The following ANXA5 variants were observed in gnomAD, a reference collection of about 807,000 sequenced individuals.
The protein encoded by ANXA5 is CBP-I.
A neutral mutation model predicts 48.1 loss-of-function variants in ANXA5; 40 were observed. That is an observed-to-expected ratio of 0.83 (90% CI 0.65 to 1.08). ANXA5 has a LOEUF of 1.08. ANXA5 is among the 50% of genes least tolerant of loss of function. The pLI is 0.00. For synonymous variants in ANXA5, 113 were observed against 129.1 expected (o/e 0.88, Z 0.85); for missense variants, 357 against 376.8 (o/e 0.95, Z 0.44).
At chr4:121,689,522 GA>G (rs1247043328) in intron 2 of ANXA5, among the ~76,000 whole-genome samples, 3 of 152,112 alleles carry the variant, frequency 2.0e-5, no homozygotes, top group Non-Finnish European at 4.4e-5. Context: ...AAAAAATTCG[GA>G]AAAAAATTCC....
Position 121,672,635 on chromosome 4 carries a change from A to C in ANXA5, c.532-9T>G. ...CCAGCCTGAAATAAAGCCTGCAAAA[A>C]TTTCAAACTCAATTAATAAATTGTT... On this transcript the variant is annotated splice_polypyrimidine_tract_variant and intron_variant, in intron 8 of 12. Transcript: ENST00000296511. The C allele has an allele frequency of 6.2e-7, 1 of 1,606,234 alleles. No individual in the cohort carries two copies. The highest frequency in any genetic ancestry group is 8.5e-7 in the Non-Finnish European group (1 of 1,173,438).
rs967232663 is a variant in ANXA5 at position 121,689,961 on chromosome 4, G to A, written c.10-3589C>T. Among the ~76,000 whole-genome samples, 6 of 118,514 alleles carry A rather than the reference G, an allele frequency of 5.1e-5. No individual in the cohort carries two copies. In the Admixed American group the frequency reaches 5.5e-4, roughly 11 times the overall value. The allele number at this position is 118,514 out of a possible 152,430, so 77.7% of individuals were successfully genotyped here. On this transcript the variant is annotated intron_variant, in intron 2 of 12. Transcript: ENST00000296511. ...CTGACTTTGCATTTCTCCATAGTAG[G>A]CTTGGTGAGTTGTCAGCATACGCCG...
chr4:121,669,818 A>G, intron 11 of ANXA5, 94 bp from the exon 12 acceptor site: 1 of 1,501,656 alleles, frequency 6.7e-7, no homozygotes, highest in East Asian at 2.3e-5. Flanking sequence ...AATAAGGTAT[A>G]ACAATTTAGT....
At chr4:121,684,565 G>T in intron 4 of ANXA5, 112 bp downstream of exon 4, 1 of 884,278 alleles carries the variant, frequency 1.1e-6, no homozygotes, top group Non-Finnish European at 1.8e-6. Flanking sequence ...AAGTAGGGAA[G>T]TCGGAATCAC....
At position 121,668,453 on chromosome 4, in the gene ANXA5, C is replaced by CT. The variant is rs762983212; in HGVS notation, c.*14dup. The CT allele has an allele frequency of 1.2e-5, 19 of 1,613,168 alleles. No individual in the cohort carries two copies. In the East Asian group the frequency reaches 4.0e-4, roughly 34 times the overall value. ...TGGTGCAGGCACACAGCAGGGAGCT[C>CT]TTCCCCGTGACACGTTAGTCATCTT... On this transcript the variant is annotated 3_prime_UTR_variant, in exon 13 of 13. Transcript: ENST00000296511.
Position 121,669,702 on chromosome 4 carries a change from G to T in ANXA5, c.803C>A (p.Thr268Asn). 6.2e-7 allele frequency: 1 copy of T among 1,610,816 alleles called. No homozygotes were observed. The highest frequency in any genetic ancestry group is 2.2e-5 in the East Asian group (1 of 44,734). The change falls in exon 12 of 13, where the codon ACC becomes AAC. Residue 268 changes from threonine to asparagine, a missense_variant. Transcript: ENST00000296511. ...CCTGGAAACCATGACTCTGATGAGG[G>T]TATGATCATCTGTCCCAGCTCCCTT... ...AMKGAGTDDH[T>N]LIRVMVSRSE...
chr4:121,678,555 C>A, intron 6 of ANXA5, 61 bp from the exon 7 acceptor site: 1 of 1,337,170 alleles, frequency 7.5e-7, no homozygotes, highest in Non-Finnish European at 1.1e-6. Context: ...GTAATCTTGC[C>A]CCATTAATCA....
At chr4:121,671,191 G>A (rs1386393760) in intron 10 of ANXA5, among the ~76,000 whole-genome samples, 1 of 152,126 alleles carries the variant, frequency 6.6e-6, no homozygotes, top group Non-Finnish European at 1.5e-5. Context: ...TGAGAGAACA[G>A]TATTCAAAAA....
chr4:121,672,735 C>G lies in ANXA5; in HGVS notation c.532-109G>C, dbSNP rs1724633421. ...AATTTTAACTCACTTGATTCATCAT[C>G]TTGTATTAATAGTTTTCATTTCTAA... On this transcript the variant is annotated intron_variant, in intron 8 of 12. Coordinates refer to ENST00000296511, the MANE Select transcript of ANXA5 (RefSeq NM_001154.4). 5.3e-6 allele frequency: 4 copies of G among 759,648 alleles called. No individual in the cohort carries two copies. The Admixed American group carries it at 8.9e-5, about 17-fold the overall frequency. The allele number at this position is 759,648 out of a possible 1,614,324, so 47.1% of individuals were successfully genotyped here.
intron 12 of ANXA5, among the ~76,000 whole-genome samples, chr4:121,668,815 G>A (rs919232356): frequency 1.3e-5 from 2 of 151,362 alleles, no homozygotes; most frequent in East Asian, 3.9e-4. Flanking sequence ...CAGCTAACAC[G>A]GGCAGTGCTG....
At chr4:121,668,814 CG>C (rs1724564180) in intron 12 of ANXA5, among the ~76,000 whole-genome samples, 1 of 151,888 alleles carries the variant, frequency 6.6e-6, no homozygotes, top group Admixed American at 6.6e-5. Flanking sequence ...TCAGCTAACA[CG>C]GGCAGTGCTG....
At chr4:121,693,993 T>A (rs1725030365) in intron 2 of ANXA5, among the ~76,000 whole-genome samples, 1 of 150,904 alleles carries the variant, frequency 6.6e-6, no homozygotes, top group African/African-American at 2.4e-5. Flanking sequence ...ATATTTCTGA[T>A]CAAACCTTGT....
intron 5 of ANXA5, 148 bp downstream of exon 5, chr4:121,683,216 G>A (rs1724822365): frequency 2.2e-6 from 1 of 460,392 alleles, no homozygotes; most frequent in Non-Finnish European, 3.9e-6. Flanking sequence ...CTCCTTTACT[G>A]CTTATTGCCT....
intron 2 of ANXA5, among the ~76,000 whole-genome samples, chr4:121,688,565 G>C (rs972720293): frequency 1.3e-5 from 2 of 152,130 alleles, no homozygotes; most frequent in Admixed American, 1.3e-4. Context: ...CTTACCACCA[G>C]AATAACTTTT....
chr4:121,677,555 G>GC (rs1256007631), intron 8 of ANXA5, among the ~76,000 whole-genome samples: 1 of 151,996 alleles, frequency 6.6e-6, no homozygotes, highest in Non-Finnish European at 1.5e-5. Context: ...ATCTTCTCCT[G>GC]CTAAGAGACC....
At chr4:121,679,977 C>T (rs539058374) in intron 6 of ANXA5, among the ~76,000 whole-genome samples, 1 of 152,244 alleles carries the variant, frequency 6.6e-6, no homozygotes, top group South Asian at 2.1e-4. Flanking sequence ...TTCATGAGAT[C>T]CCCAGAACTT....
intron 10 of ANXA5, among the ~76,000 whole-genome samples, chr4:121,670,450 C>T (rs1387996621): frequency 6.6e-6 from 1 of 152,086 alleles, no homozygotes; most frequent in Non-Finnish European, 1.5e-5. Flanking sequence ...GGGTGATCTT[C>T]CTATACTCTC....
At chr4:121,695,331 T>A (rs1175697442) in intron 2 of ANXA5, among the ~76,000 whole-genome samples, 1 of 152,220 alleles carries the variant, frequency 6.6e-6, no homozygotes, top group Non-Finnish European at 1.5e-5. Flanking sequence ...AATCAACTAA[T>A]CTTAATCCTC....
At chr4:121,692,653 T>C (rs372108183) in intron 2 of ANXA5, among the ~76,000 whole-genome samples, 1 of 152,238 alleles carries the variant, frequency 6.6e-6, no homozygotes, top group South Asian at 2.1e-4. Flanking sequence ...TTTGCTGTTG[T>C]TACCTCTCTG....
Sources: allele counts gnomAD v4.1 joint callset (sites outside exome capture counted in the v4.1 genomes callset), GRCh38; gene constraint gnomAD v4.1.1; transcripts MANE v1.5; gene names NCBI Gene and HGNC (gene_info 2026-07-23, HGNC 2026-07-21).